The following FAM13A variants were observed in gnomAD, a reference collection of about 807,000 sequenced individuals.
The protein encoded by FAM13A is protein FAM13A.
Under a neutral mutation model 129.6 loss-of-function variants are expected in FAM13A, and 76 were observed. That is an observed-to-expected ratio of 0.59 (90% CI 0.49 to 0.71). The LOEUF is 0.71. FAM13A is among the 30% of genes least tolerant of loss of function. The pLI, the probability that FAM13A is intolerant of heterozygous loss-of-function variation, is 0.00. For synonymous variants in FAM13A, 443 were observed against 449.9 expected, an observed-to-expected ratio of 0.98 and a Z score of 0.20; for missense variants, 1,108 against 1,249.3, an observed-to-expected ratio of 0.89 and a Z score of 1.70.
intron 5 of FAM13A, among the ~76,000 whole-genome samples, chr4:88,928,144 G>C (rs890409454): frequency 6.6e-6 from 1 of 152,046 alleles, no homozygotes; most frequent in African/African-American, 2.4e-5. Flanking sequence ...TATAGTTTCT[G>C]AAGTTCCTTT....
In FAM13A at chr4:88,974,509, GCT is replaced by G. The variant is rs1189522103; in HGVS notation, c.605+16462_605+16463del. On this transcript the variant is annotated intron_variant, in intron 4 of 23. Coordinates refer to ENST00000264344, the MANE Select transcript of FAM13A (RefSeq NM_014883.4). ...TTTAATTTTTTTGAGACAGACTCTC[GCT>G]CTGTCGCCCAGGCTGGAGTGTAATG... 7.2e-5 allele frequency among the ~76,000 whole-genome samples: 11 copies of G among 151,874 alleles called. 1 individual carries two copies. The highest frequency in any genetic ancestry group is 2.4e-4 in the African/African-American group (10 of 41,320).
chr4:88,962,133 T>C (rs1050563103), intron 4 of FAM13A, among the ~76,000 whole-genome samples: 1 of 151,856 alleles, frequency 6.6e-6, no homozygotes, highest in African/African-American at 2.4e-5. Context: ...AATTATTATT[T>C]GTCAATTTAA....
At chr4:88,788,480 A>C (rs1054278266) in intron 9 of FAM13A, among the ~76,000 whole-genome samples, 9 of 152,206 alleles carry the variant, frequency 5.9e-5, no homozygotes, top group African/African-American at 1.9e-4. Flanking sequence ...GCATGGCATA[A>C]TCTTTCCTAA....
intron 4 of FAM13A, among the ~76,000 whole-genome samples, chr4:88,945,990 G>GTGTGTGTGTGTATGTATATATATATA: frequency 1.3e-4 from 8 of 61,952 alleles, no homozygotes; most frequent in African/African-American, 5.2e-4. Flanking sequence ...GTGTGTGTGT[G>GTGTGTGTGTGTATGTATATATATATA]TATATATATA....
intron 1 of FAM13A, among the ~76,000 whole-genome samples, chr4:89,046,489 G>A (rs1460898342): frequency 1.3e-5 from 2 of 152,054 alleles, no homozygotes; most frequent in East Asian, 1.9e-4. Flanking sequence ...CCTAGTAATC[G>A]AAGACGGGCA....
intron 2 of FAM13A, 112 bp from the exon 3 acceptor site, chr4:89,020,781 GTAAT>G: frequency 2.9e-6 from 2 of 688,910 alleles, no homozygotes; most frequent in South Asian, 3.7e-5. Flanking sequence ...TCTCAACACT[GTAAT>G]TATCAATCAT....
At position 88,994,654 on chromosome 4, in the gene FAM13A, A is replaced by G. The variant is rs531614080; in HGVS notation, c.428-3504T>C. Among the ~76,000 whole-genome samples, 12 of 152,266 alleles carry G rather than the reference A, an allele frequency of 7.9e-5. No individual in the cohort carries two copies. The East Asian group carries it at 2.3e-3, about 29-fold the overall frequency. ...CAGGAGTTTGAGACCAGCCTGGGCAACATAGCGAAACCTCGTCTCTACAAA... is the reference window on the plus strand; with the variant it reads ...CAGGAGTTTGAGACCAGCCTGGGCAGCATAGCGAAACCTCGTCTCTACAAA... On this transcript the variant is annotated intron_variant, in intron 3 of 23. Transcript: ENST00000264344.
chr4:88,885,926 C>A (rs181215497), intron 6 of FAM13A, among the ~76,000 whole-genome samples: 9 of 151,960 alleles, frequency 5.9e-5, no homozygotes, highest in Admixed American at 3.3e-4. Context: ...CTCAACATCA[C>A]TAATGACCAG....
At chr4:88,948,038 A>G (rs1308349650) in intron 4 of FAM13A, among the ~76,000 whole-genome samples, 1 of 152,176 alleles carries the variant, frequency 6.6e-6, no homozygotes, top group Non-Finnish European at 1.5e-5. Context: ...TAATGCAAAA[A>G]AGATTGAGAA....
rs906094374 is a variant in FAM13A at position 88,993,709 on chromosome 4, C to G, written c.428-2559G>C. On this transcript the variant is annotated intron_variant, in intron 3 of 23. Coordinates refer to ENST00000264344, the MANE Select transcript of FAM13A (RefSeq NM_014883.4). ...CATGTTTAGCAAAATGACATAAAAT[C>G]ATTTATGGCGGCTGGGCGCGGCAGC... 2.6e-5 allele frequency among the ~76,000 whole-genome samples: 4 copies of G among 152,210 alleles called. No homozygotes were observed. The East Asian group carries it at 7.7e-4, about 29-fold the overall frequency.
chr4:88,868,634 G>A (rs761397511), intron 6 of FAM13A, among the ~76,000 whole-genome samples: 15 of 152,086 alleles, frequency 9.9e-5, no homozygotes, highest in African/African-American at 2.4e-4. Flanking sequence ...ATTTCCGCAG[G>A]TTCATTGCCT....
intron 14 of FAM13A, among the ~76,000 whole-genome samples, chr4:88,754,273 T>TA (rs1407330914): frequency 3.3e-5 from 5 of 152,140 alleles, no homozygotes; most frequent in Admixed American, 6.5e-5. Context: ...ACTGAAGTAA[T>TA]AAAAAAAGAC....
At chr4:89,024,484 T>C (rs902484642) in intron 2 of FAM13A, among the ~76,000 whole-genome samples, 1 of 152,220 alleles carries the variant, frequency 6.6e-6, no homozygotes. Context: ...TTTACAATAA[T>C]AGTTTACCTT....
chr4:88,828,163 G>T (rs1431911744), intron 7 of FAM13A, among the ~76,000 whole-genome samples: 1 of 152,102 alleles, frequency 6.6e-6, no homozygotes, highest in African/African-American at 2.4e-5. Flanking sequence ...TTGAGACAGG[G>T]TCTCTCTCTG....
At chr4:88,942,593 T>TAAA (rs368082655) in intron 4 of FAM13A, among the ~76,000 whole-genome samples, 4 of 143,520 alleles carry the variant, frequency 2.8e-5, no homozygotes, top group African/African-American at 1.0e-4. Flanking sequence ...AATAGAAATG[T>TAAA]AAAAAAAAAA....
chr4:89,010,831 C>A (rs1024008620), intron 3 of FAM13A, among the ~76,000 whole-genome samples: 3 of 152,020 alleles, frequency 2.0e-5, no homozygotes, highest in African/African-American at 7.2e-5. Context: ...AAACCTCTGA[C>A]TTTTCTTACC....
chr4:88,940,941 A>G (rs1754659770), intron 4 of FAM13A, among the ~76,000 whole-genome samples: 5 of 152,368 alleles, frequency 3.3e-5, no homozygotes, highest in Admixed American at 2.6e-4. Flanking sequence ...AGGGACAGAG[A>G]GGATACAAAA....
At chr4:89,017,211 G>A (rs12508524) in intron 3 of FAM13A, among the ~76,000 whole-genome samples, 40,850 of 151,908 alleles carry the variant, frequency 0.27, 5,708 homozygotes, top group East Asian at 0.4. Context: ...TTTACTGAAT[G>A]ACTCAAATCT....
chr4:88,897,409 G>A (rs1217221838), intron 6 of FAM13A, among the ~76,000 whole-genome samples: 1 of 152,134 alleles, frequency 6.6e-6, no homozygotes, highest in East Asian at 1.9e-4. Context: ...TTAAGATGTG[G>A]CTTTCCTACC....
Sources: allele counts gnomAD v4.1 joint callset (sites outside exome capture counted in the v4.1 genomes callset), GRCh38; gene constraint gnomAD v4.1.1; transcripts MANE v1.5; gene names NCBI Gene and HGNC (gene_info 2026-07-23, HGNC 2026-07-21).